CDH23: variants seen among roughly 807,000 people sequenced by gnomAD.
The protein encoded by CDH23 is cadherin-23.
CDH23 carries 189 observed loss-of-function variants against 317.1 expected under a neutral mutation model. The observed-to-expected ratio is 0.60, with a 90% CI of 0.53 to 0.67. The LOEUF (loss-of-function observed/expected upper bound fraction) is 0.67, where lower values mean the gene tolerates loss of function less well. Ranked by LOEUF, CDH23 falls within the 30% of genes least tolerant of loss-of-function variation. The pLI is 0.00. For synonymous variants in CDH23, 1,839 were observed against 1,876.8 expected (o/e 0.98, Z 0.52); for missense variants, 4,401 against 4,592.4 (o/e 0.96, Z 1.20).
chr10:71,404,128 A>T (rs1437778124), intron 1 of CDH23, among the ~76,000 whole-genome samples: 1 of 152,220 alleles, frequency 6.6e-6, no homozygotes, highest in Non-Finnish European at 1.5e-5. Flanking sequence ...ACGGAAGAAT[A>T]CATACATAAA....
In CDH23 at chr10:71,446,302, G is replaced by A; in HGVS notation, c.68-16G>A. 6.2e-7 allele frequency: 1 copy of A among 1,613,752 alleles called. No individual in the cohort carries two copies. Among genetic ancestry groups the A allele is most frequent in the Non-Finnish European group, 8.5e-7 (1 of 1,179,624 alleles). ...TGGGGGGTACTTGGCTGACGCTCTT[G>A]TCCTCTGACTTCCAGGCCAGGTGAA... is the stretch of plus-strand genomic sequence containing the variant. On this transcript the variant is annotated splice_polypyrimidine_tract_variant and intron_variant, in intron 2 of 69. Transcript: ENST00000224721.
rs397517366 is a variant in CDH23 at position 71,812,756 on chromosome 10, C to T, written c.9511-12C>T. On this transcript the variant is annotated splice_polypyrimidine_tract_variant and intron_variant, in intron 67 of 69. Coordinates refer to ENST00000224721, the MANE Select transcript of CDH23 (RefSeq NM_022124.6). Reference sequence around the variant, plus strand: ...GTCTGCCTCTGCTCCAGCTAACATCCCCTCTCCCCAGGGAACTTTTGGGCG... The same window carrying T: ...GTCTGCCTCTGCTCCAGCTAACATCTCCTCTCCCCAGGGAACTTTTGGGCG... The T allele has an allele frequency of 9.9e-6, 16 of 1,613,154 alleles. No homozygotes were observed. Among genetic ancestry groups the T allele is most frequent in the African/African-American group, 2.7e-5 (2 of 75,042 alleles).
intron 9 of CDH23, among the ~76,000 whole-genome samples, chr10:71,590,864 C>A (rs1202583721): frequency 1.6e-5 from 2 of 125,404 alleles, no homozygotes; most frequent in Admixed American, 9.1e-5. Context: ...CAGAGTGAGA[C>A]CCTGTCTCTA....
intron 38 of CDH23, 184 bp downstream of exon 38, chr10:71,742,105 G>C (rs567280534): frequency 1.6e-6 from 1 of 611,886 alleles, no homozygotes; most frequent in African/African-American, 1.8e-5. Flanking sequence ...GGCCTGTTGC[G>C]TGCAAAGCTG....
At chr10:71,458,851 G>A (rs1057255380) in intron 3 of CDH23, among the ~76,000 whole-genome samples, 3 of 152,172 alleles carry the variant, frequency 2.0e-5, no homozygotes, top group Non-Finnish European at 4.4e-5. Flanking sequence ...GCAGTGGCGC[G>A]ATCTCGGCTC....
chr10:71,799,174 G>A lies in CDH23; in HGVS notation c.7118G>A (p.Arg2373Lys), dbSNP rs1259411068. Residue 2373 changes from arginine to lysine, a missense_variant, in exon 51 of 70, where the codon AGG (arginine) becomes AAG (lysine). Physicochemically the swap from Arg to Lys is conservative, Grantham distance 26. Transcript: ENST00000224721. ...GTGCACTGGCTCAACTTTACCGTGA[G>A]GGCCTCAGACAACGGGTCCCCGCCC... The part of the protein sequence containing the change: ...EEVHWLNFTV[R>K]ASDNGSPPRA... The A allele has an allele frequency of 6.2e-7, 1 of 1,614,046 alleles. No individual in the cohort carries two copies. Among genetic ancestry groups the A allele is most frequent in the Non-Finnish European group, 8.5e-7 (1 of 1,179,900 alleles).
intron 6 of CDH23, 69 bp downstream of exon 6, chr10:71,511,281 G>T: frequency 7.3e-7 from 1 of 1,378,324 alleles, no homozygotes; most frequent in Non-Finnish European, 1.0e-6. Context: ...CATGGTGTAG[G>T]TGAAGAGTCA....
At chr10:71,429,678 G>A (rs1849278108) in intron 1 of CDH23, among the ~76,000 whole-genome samples, 1 of 152,210 alleles carries the variant, frequency 6.6e-6, no homozygotes, top group Non-Finnish European at 1.5e-5. Flanking sequence ...TTAATCAAAA[G>A]AAGGTATCGT....
At position 71,734,350 on chromosome 10, in the gene CDH23, G is replaced by T; in HGVS notation, c.4206+9G>T. On this transcript the variant is annotated intron_variant, in intron 33 of 69. Coordinates refer to ENST00000224721, the MANE Select transcript of CDH23 (RefSeq NM_022124.6). ...AGGTGGACTCCACCGTGGTGAGTGG[G>T]ACCAGGGTGAGAGTCCCTCAGGTGC... 1 of 1,599,338 alleles carries T rather than the reference G, an allele frequency of 6.3e-7. No individual in the cohort carries two copies. The highest frequency in any genetic ancestry group is 8.5e-7 in the Non-Finnish European group (1 of 1,172,186).
At chr10:71,809,785 C>T (rs1290929582) in intron 60 of CDH23, 35 bp from the exon 61 acceptor site, 1 of 1,599,104 alleles carries the variant, frequency 6.3e-7, no homozygotes, top group South Asian at 1.1e-5. Flanking sequence ...GGCACTGAGT[C>T]TCTGAGCCGT....
chr10:71,593,839 A>G (rs1859663101), intron 9 of CDH23, among the ~76,000 whole-genome samples: 1 of 152,206 alleles, frequency 6.6e-6, no homozygotes. Context: ...AACTATTTTT[A>G]GGCCTGGTGC....
intron 38 of CDH23, among the ~76,000 whole-genome samples, chr10:71,777,071 C>G (rs1342000354): frequency 6.6e-6 from 1 of 152,216 alleles, no homozygotes; most frequent in African/African-American, 2.4e-5. Context: ...AGAAGCTGTT[C>G]TTGGAATGAA....
rs1456179073 is a variant in CDH23, at chr10:71,779,408, G to A, written c.5329G>A (p.Gly1777Arg). 8 of 1,613,090 alleles carry A rather than the reference G, an allele frequency of 5.0e-6. No individual in the cohort carries two copies. The highest frequency in any genetic ancestry group is 4.4e-5 in the South Asian group (4 of 91,032). ...LAHDRDSGPNGQVEYSIMDGD... is the reference protein window; with the variant it reads ...LAHDRDSGPNRQVEYSIMDGD... Reference sequence around the variant, plus strand: ...CCATGACCGAGACTCAGGACCCAACGGGCAGGTGGAGTACAGCATCATGGA... The same window carrying A: ...CCATGACCGAGACTCAGGACCCAACAGGCAGGTGGAGTACAGCATCATGGA... The change falls in exon 41 of 70, where the codon GGG becomes AGG. Residue 1777 changes from glycine (G) to arginine (R), a missense_variant. Physicochemically the swap from Gly to Arg is moderately radical, Grantham distance 125 (BLOSUM62 -2). Around this residue, in one of 3 missense-constraint regions of CDH23, gnomAD observed 3,068 missense variants for 3,203.3 expected, o/e 0.96. Transcript: ENST00000224721.
At chr10:71,412,655 T>C (rs1034881955) in intron 1 of CDH23, among the ~76,000 whole-genome samples, 4 of 152,120 alleles carry the variant, frequency 2.6e-5, no homozygotes, top group Admixed American at 2.6e-4. Context: ...CCTACAGGAG[T>C]GTACCACTGC....
At chr10:71,693,954 G>A (rs765578507) in intron 20 of CDH23, among the ~76,000 whole-genome samples, 193 bp from the exon 21 acceptor site, 1 of 152,176 alleles carries the variant, frequency 6.6e-6, no homozygotes, top group Non-Finnish European at 1.5e-5. Context: ...AGCTCCCAAG[G>A]CACAGGAGCT....
At chr10:71,711,505 A>G (rs1471660753) in intron 27 of CDH23, among the ~76,000 whole-genome samples, 3 of 152,064 alleles carry the variant, frequency 2.0e-5, no homozygotes, top group Non-Finnish European at 2.9e-5. Flanking sequence ...CAGGGAGGAC[A>G]ACCCAAGAGC....
At chr10:71,752,908 A>T (rs1840041552) in intron 38 of CDH23, 1 of 1,574,080 alleles carries the variant, frequency 6.4e-7, no homozygotes, top group East Asian at 2.3e-5. Flanking sequence ...CCCCTACTGC[A>T]CAGAAGTATC....
chr10:71,431,808 G>A (rs1849385259), intron 1 of CDH23, among the ~76,000 whole-genome samples: 1 of 152,192 alleles, frequency 6.6e-6, no homozygotes, highest in African/African-American at 2.4e-5. Flanking sequence ...CTGTTGGCAG[G>A]CAGCAGTGTG....
chr10:71,802,942 C>A lies in CDH23; in HGVS notation c.7527C>A (p.Phe2509Leu). ...ATGTCAATGACTGCCGGCCACAGTTCTCCAAGCCCCAGTTCAGCACAAGCG... is the reference window on the plus strand; with the variant it reads ...ATGTCAATGACTGCCGGCCACAGTTATCCAAGCCCCAGTTCAGCACAAGCG... The part of the protein sequence containing the change: ...VLDVNDCRPQ[F>L]SKPQFSTSVY... The change falls in exon 54 of 70, where the codon TTC becomes TTA. Residue 2509 changes from phenylalanine (F) to leucine (L), a missense_variant. Phe to Leu is a conservative substitution (Grantham distance 22). Transcript: ENST00000224721. 1 of 1,614,060 alleles carries A rather than the reference C, an allele frequency of 6.2e-7. No homozygotes were observed. Among genetic ancestry groups the A allele is most frequent in the Non-Finnish European group, 8.5e-7 (1 of 1,179,902 alleles).
Sources: gnomAD v4.1 joint callset for allele counts (sites outside exome capture counted in the v4.1 genomes callset) on GRCh38, gnomAD v4.1.1 for gene constraint, gnomAD v4.1.1 regional missense constraint, MANE v1.5 for transcripts, NCBI Gene and HGNC (gene_info 2026-07-23, HGNC 2026-07-21) for gene names.